Variants in FAM177A1 observed in about 807,000 individuals in gnomAD.
FAM177A1 encodes family with sequence similarity 177 member A1, also known as protein FAM177A1.
Under a neutral mutation model 26.1 loss-of-function variants are expected in FAM177A1, and 22 were observed. The ratio of observed to expected loss-of-function variants is 0.84; its 90% CI spans 0.60 to 1.20. FAM177A1 has a LOEUF of 1.20. Among genes scored for constraint, FAM177A1 ranks in the 50% most tolerant of loss-of-function variants. The pLI, the probability that FAM177A1 is intolerant of heterozygous loss-of-function variation, is 0.00. For missense variants in FAM177A1, 296 were observed against 291.1 expected, an observed-to-expected ratio of 1.02 and a Z score of -0.12; for synonymous variants, 95 against 99.3, an observed-to-expected ratio of 0.96 and a Z score of 0.26.
chr14:35,046,321 A>C lies in FAM177A1; in HGVS notation c.-143A>C. ...GGTGCGGAGCCCGGCGGGCTAGGCG[A>C]GGCGCGGGCTGGCCCCGCCCCTCAG... On this transcript the variant is annotated 5_prime_UTR_variant, in exon 1 of 5. Coordinates refer to ENST00000280987, the MANE Select transcript of FAM177A1 (RefSeq NM_173607.5). 1 of 1,006,776 alleles carries C rather than the reference A, an allele frequency of 9.9e-7. No individual in the cohort carries two copies. The allele number at this position is 1,006,776 out of a possible 1,614,324, so 62.4% of individuals were successfully genotyped here.
intron 2 of FAM177A1, among the ~76,000 whole-genome samples, chr14:35,073,187 C>T (rs1234528575): frequency 1.3e-5 from 2 of 152,224 alleles, no homozygotes; most frequent in Non-Finnish European, 2.9e-5. Flanking sequence ...TCTCCTGCCT[C>T]AGCCTCCCAA....
intron 2 of FAM177A1, among the ~76,000 whole-genome samples, chr14:35,055,449 T>A (rs2045046639): frequency 1.3e-5 from 2 of 151,940 alleles, no homozygotes; most frequent in East Asian, 3.9e-4. Context: ...CTGTTTTTTT[T>A]TTTTTTTTGA....
At chr14:35,062,069 G>A (rs1200508411) in intron 2 of FAM177A1, among the ~76,000 whole-genome samples, 1 of 152,214 alleles carries the variant, frequency 6.6e-6, no homozygotes, top group East Asian at 1.9e-4. Flanking sequence ...ATTCTTGGCT[G>A]TACCAGTCTG....
At chr14:35,063,056 G>A (rs76365811) in intron 2 of FAM177A1, among the ~76,000 whole-genome samples, 4 of 149,296 alleles carry the variant, frequency 2.7e-5, no homozygotes, top group South Asian at 2.1e-4. Flanking sequence ...TGAGGTAGGC[G>A]GATGAATGGC....
intron 1 of FAM177A1, chr14:35,046,855 C>T (rs1483657314): frequency 1.3e-5 from 18 of 1,339,726 alleles, no homozygotes; most frequent in Non-Finnish European, 1.4e-5. Flanking sequence ...GACTCTGGGG[C>T]GGCCTCGGGT....
At chr14:35,061,741 T>C (rs1265617560) in intron 2 of FAM177A1, among the ~76,000 whole-genome samples, 2 of 150,800 alleles carry the variant, frequency 1.3e-5, no homozygotes, top group Non-Finnish European at 3.0e-5. Context: ...TGTGCACATG[T>C]ACCCTAAAAC....
At position 35,081,342 on chromosome 14, in the gene FAM177A1, A is replaced by C; in HGVS notation, c.*114A>C. ...AATTATTTATATTTTAAATTATTAA[A>C]GTATCTGGAAAGGGAAAATGTTTTC... is the stretch of plus-strand genomic sequence containing the variant. On this transcript the variant is annotated 3_prime_UTR_variant, in exon 5 of 5. Coordinates refer to ENST00000280987, the MANE Select transcript of FAM177A1 (RefSeq NM_173607.5). 1 of 1,039,500 alleles carries C rather than the reference A, an allele frequency of 9.6e-7. No individual in the cohort carries two copies. The highest frequency in any genetic ancestry group is 1.6e-5 in the African/African-American group (1 of 61,484). 64.4% of individuals were successfully genotyped at this position (1,039,500 alleles called of 1,614,324 possible). A position where few individuals can be genotyped will look rare whatever the true frequency, so the allele number is the denominator to read the frequency against.
chr14:35,071,286 T>C (rs1365743035), intron 2 of FAM177A1, among the ~76,000 whole-genome samples: 1 of 152,156 alleles, frequency 6.6e-6, no homozygotes. Flanking sequence ...CGTGAGCCAC[T>C]GCACCCGGCC....
In FAM177A1 at chr14:35,061,519, C is replaced by CT. The variant is rs199992810; in HGVS notation, c.339+8083dup. Among the ~76,000 whole-genome samples the CT allele has an allele frequency of 4.5e-3, 403 of 89,358 alleles. 2 individuals carry two copies. Among genetic ancestry groups the CT allele is most frequent in the African/African-American group, 0.013 (302 of 22,626 alleles). The allele number at this position is 89,358 out of a possible 152,430, so 58.6% of individuals were successfully genotyped here. A position where few individuals can be genotyped will look rare whatever the true frequency, so the allele number is the denominator to read the frequency against. Reference sequence around the variant, plus strand: ...ATGTCTATTTGTTTTTTTCTCATTTCTTTTTTTTTTTTTTTATCTCACTCA... The same window carrying CT: ...ATGTCTATTTGTTTTTTTCTCATTTCTTTTTTTTTTTTTTTTATCTCACTCA... On this transcript the variant is annotated intron_variant, in intron 2 of 4. Transcript: ENST00000280987.
chr14:35,046,078 C>CCCCAGACGCCGCTGGTGACGGG, upstream of FAM177A1: 1 of 169,544 alleles, frequency 5.9e-6, no homozygotes, highest in East Asian at 1.7e-4. Flanking sequence ...GGGGTGACTG[C>CCCCAGACGCCGCTGGTGACGGG]CCCAGACGCC....
At chr14:35,079,428 T>C (rs1259570549) in intron 4 of FAM177A1, among the ~76,000 whole-genome samples, 3 of 152,214 alleles carry the variant, frequency 2.0e-5, no homozygotes, top group African/African-American at 7.2e-5. Flanking sequence ...AATGTGTATG[T>C]GCCAGGTGTT....
intron 1 of FAM177A1, among the ~76,000 whole-genome samples, chr14:35,048,455 A>G (rs2139054378): frequency 6.6e-6 from 1 of 152,092 alleles, no homozygotes; most frequent in South Asian, 2.1e-4. Context: ...ATTCACAGGA[A>G]TACCCCACCA....
intron 2 of FAM177A1, among the ~76,000 whole-genome samples, chr14:35,069,520 G>C (rs1162091489): frequency 1.3e-5 from 2 of 151,914 alleles, no homozygotes; most frequent in Non-Finnish European, 2.9e-5. Flanking sequence ...CCCAACCTGA[G>C]GTGATCTGCC....
intron 1 of FAM177A1, among the ~76,000 whole-genome samples, chr14:35,049,741 C>G (rs2139056013): frequency 6.6e-6 from 1 of 152,178 alleles, no homozygotes; most frequent in East Asian, 1.9e-4. Flanking sequence ...GCCAAGATCG[C>G]ACCACTGCAT....
intron 2 of FAM177A1, among the ~76,000 whole-genome samples, chr14:35,061,396 T>G (rs2045152361): frequency 6.6e-6 from 1 of 151,492 alleles, no homozygotes; most frequent in Non-Finnish European, 1.5e-5. Flanking sequence ...GGCTCATTTC[T>G]GTCTGAATAA....
intron 2 of FAM177A1, among the ~76,000 whole-genome samples, chr14:35,066,758 T>C (rs1310940387): frequency 6.6e-6 from 1 of 151,886 alleles, no homozygotes; most frequent in Non-Finnish European, 1.5e-5. Context: ...GCCATTGTTA[T>C]AGTTAATGGA....
chr14:35,074,844 C>G (rs1166587319), intron 2 of FAM177A1, among the ~76,000 whole-genome samples: 1 of 151,668 alleles, frequency 6.6e-6, no homozygotes, highest in African/African-American at 2.4e-5. Flanking sequence ...AATTTGAGAC[C>G]AGCCTGGCCA....
chr14:35,081,192 G>C lies in FAM177A1; in HGVS notation c.675G>C (p.Met225Ile). Reference protein sequence around the residue: ...FEMEGDSEVIMESKQNPVSVP... With the variant: ...FEMEGDSEVIIESKQNPVSVP... ...TGGAGGGAGACAGTGAAGTAATTATGGAAAGCAAGCAAAATCCAGTCTCTG... is the reference window on the plus strand; with the variant it reads ...TGGAGGGAGACAGTGAAGTAATTATCGAAAGCAAGCAAAATCCAGTCTCTG... The change falls in exon 5 of 5, where the codon ATG becomes ATC. Residue 225 changes from methionine to isoleucine, a missense_variant. By Grantham distance (10) the Met-to-Ile change is conservative. Coordinates refer to ENST00000280987, the MANE Select transcript of FAM177A1 (RefSeq NM_173607.5). The C allele has an allele frequency of 6.2e-7, 1 of 1,612,962 alleles. No homozygotes were observed. Among genetic ancestry groups the C allele is most frequent in the Non-Finnish European group, 8.5e-7 (1 of 1,179,718 alleles).
At chr14:35,075,791 A>T (rs1310527841) in intron 2 of FAM177A1, among the ~76,000 whole-genome samples, 3 of 152,248 alleles carry the variant, frequency 2.0e-5, no homozygotes, top group Non-Finnish European at 2.9e-5. Context: ...TGGGCAAAGG[A>T]TATGAACAGA....
Sources: allele counts gnomAD v4.1 joint callset (sites outside exome capture counted in the v4.1 genomes callset), GRCh38; gene constraint gnomAD v4.1.1; transcripts MANE v1.5; gene names NCBI Gene and HGNC (gene_info 2026-07-23, HGNC 2026-07-21).